TINAG: variants seen among roughly 807,000 people sequenced by gnomAD.
TINAG encodes tubulointerstitial nephritis antigen.
TINAG carries 83 observed loss-of-function variants against 72.7 expected under a neutral mutation model. That is an observed-to-expected ratio of 1.14 (90% CI 0.96 to 1.37). TINAG has a LOEUF of 1.37. Among genes scored for constraint, TINAG ranks in the 40% most tolerant of loss-of-function variants. The pLI, the probability that TINAG is intolerant of heterozygous loss-of-function variation, is 0.00. For synonymous variants in TINAG, 234 were observed against 189.9 expected (o/e 1.23, Z -1.91); for missense variants, 685 against 576.6 (o/e 1.19, Z -1.93).
intron 4 of TINAG, among the ~76,000 whole-genome samples, chr6:54,334,760 G>C (rs865923271): frequency 6.6e-6 from 1 of 152,130 alleles, no homozygotes; most frequent in Non-Finnish European, 1.5e-5. Flanking sequence ...ACTTACTCCA[G>C]TTAGTAGAAT....
At chr6:54,360,495 C>T (rs1190947899) in intron 9 of TINAG, among the ~76,000 whole-genome samples, 1 of 151,430 alleles carries the variant, frequency 6.6e-6, no homozygotes, top group Non-Finnish European at 1.5e-5. Flanking sequence ...TTTATCCCAC[C>T]CAATATTCTC....
intron 10 of TINAG, among the ~76,000 whole-genome samples, chr6:54,381,001 G>T (rs1763930788): frequency 7.1e-6 from 1 of 141,376 alleles, no homozygotes; most frequent in Admixed American, 7.1e-5. Context: ...ATATTTATAT[G>T]GCATATATAT....
At position 54,372,249 on chromosome 6, in the gene TINAG, C is replaced by T. The variant is rs375218469; in HGVS notation, c.1251-8277C>T. ...TCAGGTGATCTGCCTACCTTGGCCT[C>T]CCAAAGTGCTGGGATTACAGGTGTG... On this transcript the variant is annotated intron_variant, in intron 9 of 10. Coordinates refer to ENST00000259782, the MANE Select transcript of TINAG (RefSeq NM_014464.4). 4.1e-4 allele frequency among the ~76,000 whole-genome samples: 63 copies of T among 152,048 alleles called. 2 individuals are homozygous for T. The highest frequency in any genetic ancestry group is 1.6e-3 in the Admixed American group (24 of 15,252).
At chr6:54,366,620 G>A (rs1763429789) in intron 9 of TINAG, among the ~76,000 whole-genome samples, 1 of 151,118 alleles carries the variant, frequency 6.6e-6, no homozygotes, top group Non-Finnish European at 1.5e-5. Context: ...GAGAGAGAGA[G>A]AGAAGAAAGT....
intron 5 of TINAG, among the ~76,000 whole-genome samples, chr6:54,345,718 T>C (rs1209997973): frequency 6.6e-6 from 1 of 151,996 alleles, no homozygotes; most frequent in Admixed American, 6.6e-5. Flanking sequence ...CCTAGTGCAA[T>C]AGTAGATGGG....
At chr6:54,359,573 TC>T (rs1407421483) in intron 9 of TINAG, among the ~76,000 whole-genome samples, 3 of 151,816 alleles carry the variant, frequency 2.0e-5, no homozygotes, top group African/African-American at 7.2e-5. Context: ...TAATCCTCTA[TC>T]ATTGTGTATT....
At chr6:54,358,740 T>G (rs1318031622) in intron 9 of TINAG, among the ~76,000 whole-genome samples, 1 of 151,822 alleles carries the variant, frequency 6.6e-6, no homozygotes, top group Non-Finnish European at 1.5e-5. Flanking sequence ...CCTTTCTTTT[T>G]TACTTCACCC....
At chr6:54,380,635 C>A in intron 10 of TINAG, 64 bp downstream of exon 10, 1 of 1,311,908 alleles carries the variant, frequency 7.6e-7, no homozygotes, top group Non-Finnish European at 1.1e-6. Context: ...TTCTGTTCCT[C>A]TGCTACCTGC....
At chr6:54,326,032 A>G (rs1784594819) in intron 3 of TINAG, among the ~76,000 whole-genome samples, 1 of 152,180 alleles carries the variant, frequency 6.6e-6, no homozygotes, top group African/African-American at 2.4e-5. Flanking sequence ...AAAGTGGTAG[A>G]TAATTCAGAA....
chr6:54,358,177 C>G (rs1763114199), intron 9 of TINAG, among the ~76,000 whole-genome samples: 1 of 151,792 alleles, frequency 6.6e-6, no homozygotes, highest in Non-Finnish European at 1.5e-5. Context: ...TTAATATGTC[C>G]TCCCTGGCTG....
intron 1 of TINAG, among the ~76,000 whole-genome samples, chr6:54,314,976 T>G (rs3777656): frequency 0.047 from 7,224 of 152,208 alleles, 456 homozygotes; most frequent in East Asian, 0.3. Context: ...CAGATAATTT[T>G]TTTTCTTTTG....
intron 3 of TINAG, among the ~76,000 whole-genome samples, chr6:54,321,761 C>T (rs780748585): frequency 6.6e-5 from 10 of 152,116 alleles, no homozygotes; most frequent in Non-Finnish European, 1.3e-4. Flanking sequence ...ACATGCTTAG[C>T]TATCATGGGT....
At chr6:54,326,756 T>G in intron 3 of TINAG, 46 bp from the exon 4 acceptor site, 2 of 1,378,168 alleles carry the variant, frequency 1.5e-6, no homozygotes, top group South Asian at 1.3e-5. Flanking sequence ...TGATGTCATA[T>G]AACCTGTATA....
chr6:54,342,458 T>C (rs1488638861), intron 4 of TINAG, among the ~76,000 whole-genome samples: 1 of 150,762 alleles, frequency 6.6e-6, no homozygotes, highest in Non-Finnish European at 1.5e-5. Flanking sequence ...AATTTCCACC[T>C]CCCAGGTTCA....
chr6:54,362,067 G>A (rs1289348137), intron 9 of TINAG, among the ~76,000 whole-genome samples: 1 of 151,652 alleles, frequency 6.6e-6, no homozygotes, highest in Non-Finnish European at 1.5e-5. Flanking sequence ...ACAAAGTGAA[G>A]TAGCTAGTAC....
intron 9 of TINAG, among the ~76,000 whole-genome samples, chr6:54,376,612 A>C (rs1282184379): frequency 6.6e-6 from 1 of 152,196 alleles, no homozygotes; most frequent in African/African-American, 2.4e-5. Context: ...GGCATAACTT[A>C]AAATAGGGCT....
At chr6:54,354,190 A>G (rs567878736) in intron 8 of TINAG, among the ~76,000 whole-genome samples, 1 of 152,044 alleles carries the variant, frequency 6.6e-6, no homozygotes, top group South Asian at 2.1e-4. Context: ...GTGGAGAAAT[A>G]GCAATCACTG....
Position 54,367,776 on chromosome 6 carries a change from T to G in TINAG, c.1251-12750T>G, listed in dbSNP as rs1462302313. ...CCTTCAGACTGCTGTAACAAAAATA[T>G]CATACACTGGGTGACCTACACAACA... On this transcript the variant is annotated intron_variant, in intron 9 of 10. Transcript: ENST00000259782. Among the ~76,000 whole-genome samples, 3 of 151,868 alleles carry G rather than the reference T, an allele frequency of 2.0e-5. No homozygotes were observed. In the East Asian group the frequency reaches 5.8e-4, roughly 29 times the overall value.
At chr6:54,320,454 G>A (rs993473473) in intron 1 of TINAG, 125 bp from the exon 2 acceptor site, 28 of 673,848 alleles carry the variant, frequency 4.2e-5, no homozygotes, top group African/African-American at 3.2e-4. Flanking sequence ...ATTTCTATCA[G>A]CTTTTTTGGC....
Sources: gnomAD v4.1 joint callset for allele counts (sites outside exome capture counted in the v4.1 genomes callset) on GRCh38, gnomAD v4.1.1 for gene constraint, MANE v1.5 for transcripts, NCBI Gene and HGNC (gene_info 2026-07-23, HGNC 2026-07-21) for gene names.